The following KCTD1 variants were observed in gnomAD, a reference collection of about 807,000 sequenced individuals.
KCTD1 encodes potassium channel tetramerization domain containing 1.
Under a neutral mutation model 66.0 loss-of-function variants are expected in KCTD1, and 24 were observed. The observed-to-expected ratio is 0.36, with a 90% CI of 0.26 to 0.51. The LOEUF (loss-of-function observed/expected upper bound fraction) is 0.51, where lower values mean the gene tolerates loss of function less well. Ranked by LOEUF, KCTD1 falls within the 20% of genes least tolerant of loss-of-function variation. KCTD1 has a pLI of 0.95. For synonymous variants in KCTD1, 511 were observed against 517.2 expected (o/e 0.99, Z 0.16); for missense variants, 943 against 1,205.2 (o/e 0.78, Z 3.22).
Position 26,459,414 on chromosome 18 carries a change from G to A in KCTD1, c.2439+206C>T, listed in dbSNP as rs1374685030. ...GTCGTGTTCTATATCTGTCTCTTCT[G>A]TATCTCCAGTGCTCATCCCAGCACC... On this transcript the variant is annotated intron_variant, in intron 4 of 4. Coordinates refer to ENST00000580059, the MANE Select transcript of KCTD1 (RefSeq NM_001142730.3). The A allele has an allele frequency of 5.5e-6, 3 of 546,682 alleles. No individual in the cohort carries two copies. The African/African-American group carries it at 5.7e-5, about 10-fold the overall frequency. 33.9% of individuals were successfully genotyped at this position (546,682 alleles called of 1,614,324 possible). A position where few individuals can be genotyped will look rare whatever the true frequency, so the allele number is the denominator to read the frequency against.
chr18:26,583,060 G>C (rs1447860786), intron 1 of KCTD1, among the ~76,000 whole-genome samples: 1 of 149,702 alleles, frequency 6.7e-6, no homozygotes, highest in Non-Finnish European at 1.5e-5. Flanking sequence ...TTTAATAGTA[G>C]ATAGATGGTA....
chr18:26,601,531 T>C (rs1047628504), intron 1 of KCTD1, among the ~76,000 whole-genome samples: 1 of 152,138 alleles, frequency 6.6e-6, no homozygotes, highest in Non-Finnish European at 1.5e-5. Context: ...TTGTTCTTCC[T>C]TTTCAAGATG....
chr18:26,632,070 A>C (rs530283482), upstream of KCTD1, among the ~76,000 whole-genome samples: 22 of 136,922 alleles, frequency 1.6e-4, no homozygotes, highest in Admixed American at 1.6e-3. Context: ...AACAAACAAC[A>C]AAAAAAAACC....
upstream of KCTD1, among the ~76,000 whole-genome samples, chr18:26,641,281 C>T (rs897508332): frequency 3.3e-5 from 5 of 152,136 alleles, no homozygotes; most frequent in African/African-American, 7.2e-5. Flanking sequence ...TCCCTTGTAG[C>T]GCCACGGTGC....
At chr18:26,553,016 G>C (rs1351000298), upstream of KCTD1, among the ~76,000 whole-genome samples, 1 of 149,138 alleles carries the variant, frequency 6.7e-6, no homozygotes, top group Non-Finnish European at 1.5e-5. Flanking sequence ...TTTGAGACAG[G>C]GTCTTACTCT....
rs192786965 is a variant in KCTD1 at position 26,473,600 on chromosome 18, A to C, written c.2133+2915T>G. Among the ~76,000 whole-genome samples the C allele has an allele frequency of 5.4e-5, 8 of 146,878 alleles. No homozygotes were observed. The East Asian group carries it at 1.8e-3, about 33-fold the overall frequency. Reference sequence around the variant, plus strand: ...ATAATAATAATAATAATAATAGTAAAAAAGAAATCACTCCTCAATATGCTT... The same window carrying C: ...ATAATAATAATAATAATAATAGTAACAAAGAAATCACTCCTCAATATGCTT... On this transcript the variant is annotated intron_variant, in intron 3 of 4. Coordinates refer to ENST00000580059, the MANE Select transcript of KCTD1 (RefSeq NM_001142730.3).
chr18:26,519,104 A>C (rs1983797938), intron 1 of KCTD1, among the ~76,000 whole-genome samples: 1 of 152,192 alleles, frequency 6.6e-6, no homozygotes, highest in African/African-American at 2.4e-5. Flanking sequence ...TTTAAATACA[A>C]ATTCTATCTC....
chr18:26,535,683 T>C (rs1984669215), intron 1 of KCTD1, among the ~76,000 whole-genome samples: 1 of 152,176 alleles, frequency 6.6e-6, no homozygotes, highest in African/African-American at 2.4e-5. Context: ...GTGTCCTTTT[T>C]CTCCTCTCTT....
Position 26,613,614 on chromosome 18 carries a change from A to G in KCTD1, c.-16+15533T>C, listed in dbSNP as rs574623120. 8.5e-5 allele frequency among the ~76,000 whole-genome samples: 13 copies of G among 152,338 alleles called. No individual in the cohort carries two copies. The East Asian group carries it at 2.5e-3, about 29-fold the overall frequency. ...GCTAAAGTGTCCACAGAAAGCTAAA[A>G]CATACACAAGAAACTCTGGTCCAAA... On this transcript the variant is annotated intron_variant, in intron 1 of 4. Transcript: ENST00000317932.
intron 1 of KCTD1, among the ~76,000 whole-genome samples, chr18:26,573,674 A>G (rs1598947753): frequency 3.3e-5 from 5 of 152,146 alleles, no homozygotes; most frequent in African/African-American, 1.2e-4. Flanking sequence ...AAGGTGGCCA[A>G]CTCTCAGAAA....
chr18:26,595,740 C>T (rs1232933366), intron 1 of KCTD1, among the ~76,000 whole-genome samples: 1 of 152,188 alleles, frequency 6.6e-6, no homozygotes, highest in African/African-American at 2.4e-5. Context: ...AAAGCTTTAA[C>T]ATTAGAAATG....
chr18:26,624,134 T>G (rs1987448199), intron 1 of KCTD1, among the ~76,000 whole-genome samples: 2 of 152,168 alleles, frequency 1.3e-5, no homozygotes, highest in Admixed American at 6.5e-5. Flanking sequence ...AAGAAATTTC[T>G]AAGAGTCAAA....
At chr18:26,511,222 C>G (rs1983313155) in intron 1 of KCTD1, among the ~76,000 whole-genome samples, 1 of 152,180 alleles carries the variant, frequency 6.6e-6, no homozygotes, top group Non-Finnish European at 1.5e-5. Flanking sequence ...ACTTCCCTTT[C>G]CTTAATTTTC....
At chr18:26,533,696 A>G (rs762275385) in intron 1 of KCTD1, among the ~76,000 whole-genome samples, 1 of 152,078 alleles carries the variant, frequency 6.6e-6, no homozygotes, top group Middle Eastern at 3.4e-3. Context: ...ATGGGGTTTC[A>G]CCATATTGCC....
At chr18:26,605,566 T>G (rs1266183424) in intron 1 of KCTD1, among the ~76,000 whole-genome samples, 2 of 152,272 alleles carry the variant, frequency 1.3e-5, no homozygotes, top group East Asian at 3.9e-4. Context: ...TTCCAACTCC[T>G]ACATGTGGCT....
Position 26,476,129 on chromosome 18 carries a change from G to A in KCTD1, c.2133+386C>T, listed in dbSNP as rs1981335264. Among the ~76,000 whole-genome samples the A allele has an allele frequency of 6.6e-6, 1 of 152,102 alleles. No homozygotes were observed. Among genetic ancestry groups the A allele is most frequent in the African/African-American group, 2.4e-5 (1 of 41,430 alleles). On this transcript the variant is annotated intron_variant, in intron 3 of 4. Coordinates refer to ENST00000580059, the MANE Select transcript of KCTD1 (RefSeq NM_001142730.3). The surrounding 1 kb of genome is among the most constrained non-coding windows in gnomAD (Gnocchi z 4.9). ...TTAACACTTATTACTAACTGTAAAG[G>A]GAAGAATTCTAAAATTTTACTGTTC... is the stretch of plus-strand genomic sequence containing the variant.
chr18:26,578,305 G>A lies in KCTD1; in HGVS notation c.-16+50842C>T, dbSNP rs1286321118. 2.6e-5 allele frequency among the ~76,000 whole-genome samples: 4 copies of A among 152,002 alleles called. No homozygotes were observed. In the East Asian group the frequency reaches 7.7e-4, roughly 29 times the overall value. On this transcript the variant is annotated intron_variant, in intron 1 of 4. Coordinates refer to the KCTD1 transcript ENST00000317932. ...TCTTCTATAAATCACTTTTACAAGT[G>A]TTGGTAGTATATTGCTGTTTATAAA...
chr18:26,504,127 T>C (rs541737885), intron 1 of KCTD1, among the ~76,000 whole-genome samples: 1 of 151,988 alleles, frequency 6.6e-6, no homozygotes, highest in African/African-American at 2.4e-5. Context: ...AGTGCAGTGG[T>C]GTGATCAAAG....
At chr18:26,565,678 T>C (rs1483003480) in intron 1 of KCTD1, 2 of 152,144 alleles carry the variant, frequency 1.3e-5, no homozygotes, top group African/African-American at 2.4e-5. Flanking sequence ...CCATGCTTTG[T>C]TTCCAGAACT....
Sources: gnomAD v4.1 joint callset for allele counts (sites outside exome capture counted in the v4.1 genomes callset) on GRCh38, gnomAD v4.1.1 for gene constraint, Gnocchi (gnomAD v3.1) non-coding constraint, MANE v1.5 for transcripts, NCBI Gene and HGNC (gene_info 2026-07-23, HGNC 2026-07-21) for gene names.